Variants in HIBADH observed in about 807,000 individuals in gnomAD.
The protein encoded by HIBADH is 3-hydroxyisobutyrate dehydrogenase, mitochondrial.
HIBADH carries 25 observed loss-of-function variants against 36.1 expected under a neutral mutation model. The ratio of observed to expected loss-of-function variants is 0.69; its 90% CI spans 0.50 to 0.97. The LOEUF is 0.97. Among genes scored for constraint, HIBADH ranks in the 50% least tolerant of loss-of-function variants. The probability of loss-of-function intolerance (pLI) is 0.00; values close to 1 mark genes in which losing one functional copy is unlikely to be tolerated. For missense variants in HIBADH, 421 were observed against 418.0 expected, an observed-to-expected ratio of 1.01 and a Z score of -0.06; for synonymous variants, 160 against 149.5, an observed-to-expected ratio of 1.07 and a Z score of -0.51.
intron 4 of HIBADH, among the ~76,000 whole-genome samples, chr7:27,575,158 G>A (rs2128188576): frequency 6.6e-6 from 1 of 152,234 alleles, no homozygotes; most frequent in African/African-American, 2.4e-5. Flanking sequence ...TTTTTTAATT[G>A]GAAATTTTAG....
intron 4 of HIBADH, among the ~76,000 whole-genome samples, chr7:27,620,268 T>A (rs571334382): frequency 9.2e-5 from 14 of 152,054 alleles, no homozygotes; most frequent in Non-Finnish European, 1.9e-4. Flanking sequence ...TGCAGTGAAC[T>A]TTGATCACAC....
At chr7:27,620,383 G>C (rs1785515995) in intron 4 of HIBADH, among the ~76,000 whole-genome samples, 1 of 151,978 alleles carries the variant, frequency 6.6e-6, no homozygotes, top group African/African-American at 2.4e-5. Context: ...CACCTATAAA[G>C]GGACCCCCAT....
intron 4 of HIBADH, among the ~76,000 whole-genome samples, chr7:27,543,931 C>T (rs1212399749): frequency 6.6e-6 from 1 of 152,056 alleles, no homozygotes; most frequent in Non-Finnish European, 1.5e-5. Flanking sequence ...AGAGGAAAAG[C>T]TTCATTCATC....
At chr7:27,621,661 A>G (rs1028490360) in intron 4 of HIBADH, among the ~76,000 whole-genome samples, 1 of 152,070 alleles carries the variant, frequency 6.6e-6, no homozygotes, top group Non-Finnish European at 1.5e-5. Flanking sequence ...GTGTGGCAGC[A>G]CAAGCCTGTA....
chr7:27,645,185 G>C (rs1786040155), intron 2 of HIBADH, among the ~76,000 whole-genome samples: 1 of 151,812 alleles, frequency 6.6e-6, no homozygotes, highest in East Asian at 1.9e-4. Flanking sequence ...GAAATTGCTG[G>C]GTCATGGCAT....
intron 1 of HIBADH, among the ~76,000 whole-genome samples, chr7:27,656,700 T>G (rs957884439): frequency 6.6e-6 from 1 of 152,240 alleles, no homozygotes; most frequent in African/African-American, 2.4e-5. Context: ...TTTTATAACC[T>G]TTCCCATTTT....
At chr7:27,557,737 G>C (rs1419144352) in intron 4 of HIBADH, among the ~76,000 whole-genome samples, 2 of 152,166 alleles carry the variant, frequency 1.3e-5, no homozygotes, top group Non-Finnish European at 2.9e-5. Context: ...ATTCAGGAAA[G>C]GAGGAACCCT....
intron 2 of HIBADH, among the ~76,000 whole-genome samples, chr7:27,643,036 T>A (rs968892419): frequency 1.3e-5 from 2 of 152,244 alleles, no homozygotes; most frequent in African/African-American, 4.8e-5. Context: ...TGTGACCTTT[T>A]ACTTTTTCTT....
chr7:27,641,257 T>G lies in HIBADH; in HGVS notation c.252+8216A>C, dbSNP rs535983159. ...CAAAACAACATCTGATTTTCTTCCC[T>G]GCAAATCTCTCACTGAAAGAACAGC... is the stretch of plus-strand genomic sequence containing the variant. On this transcript the variant is annotated intron_variant, in intron 2 of 7. Transcript: ENST00000265395. Among the ~76,000 whole-genome samples the G allele has an allele frequency of 1.4e-3, 209 of 152,304 alleles. 1 individual carries two copies. The highest frequency in any genetic ancestry group is 1.9e-3 in the Non-Finnish European group (130 of 68,014).
At chr7:27,585,995 C>A (rs1205626294) in intron 4 of HIBADH, among the ~76,000 whole-genome samples, 1 of 152,212 alleles carries the variant, frequency 6.6e-6, no homozygotes, top group Non-Finnish European at 1.5e-5. Context: ...TATGTAATTC[C>A]TCCACATAAA....
intron 6 of HIBADH, among the ~76,000 whole-genome samples, chr7:27,533,859 CAT>C (rs1245367218): frequency 6.6e-6 from 1 of 152,178 alleles, no homozygotes; most frequent in Non-Finnish European, 1.5e-5. Context: ...TGGCTGGGAA[CAT>C]ATGATACTTT....
At chr7:27,635,650 G>C (rs1017007931) in intron 2 of HIBADH, among the ~76,000 whole-genome samples, 3 of 152,182 alleles carry the variant, frequency 2.0e-5, no homozygotes, top group African/African-American at 4.8e-5. Context: ...AAGGGGACTG[G>C]AAGCATGTGC....
intron 7 of HIBADH, among the ~76,000 whole-genome samples, chr7:27,530,729 A>C (rs1273986131): frequency 1.3e-5 from 2 of 152,210 alleles, no homozygotes; most frequent in Non-Finnish European, 2.9e-5. Flanking sequence ...ATATAAATCC[A>C]TATATTAAAA....
intron 2 of HIBADH, among the ~76,000 whole-genome samples, chr7:27,636,710 T>C (rs981586264): frequency 1.3e-5 from 2 of 152,220 alleles, no homozygotes; most frequent in African/African-American, 4.8e-5. Context: ...ACTTTTGGCA[T>C]AGATCAGCAG....
chr7:27,551,122 T>G (rs1027841297), intron 4 of HIBADH, among the ~76,000 whole-genome samples: 9 of 151,984 alleles, frequency 5.9e-5, no homozygotes, highest in African/African-American at 2.2e-4. Context: ...TTTTGTCAAT[T>G]ACTTTTTTAA....
intron 5 of HIBADH, among the ~76,000 whole-genome samples, chr7:27,539,120 AG>A (rs1784110039): frequency 6.6e-6 from 1 of 152,150 alleles, no homozygotes; most frequent in Admixed American, 6.6e-5. Context: ...GGTAGGAAAT[AG>A]GGATCTATTC....
intron 2 of HIBADH, among the ~76,000 whole-genome samples, chr7:27,644,762 T>TAA (rs769062186): frequency 3.5e-5 from 5 of 142,446 alleles, no homozygotes; most frequent in Admixed American, 7.0e-5. Context: ...AGACTCCATT[T>TAA]AAAAAAAAAA....
chr7:27,617,617 A>G (rs1785453238), intron 4 of HIBADH, among the ~76,000 whole-genome samples: 1 of 152,202 alleles, frequency 6.6e-6, no homozygotes, highest in African/African-American at 2.4e-5. Context: ...GCATAGAAAG[A>G]GAAGAAAGGA....
At chr7:27,573,584 A>T (rs1583576273) in intron 4 of HIBADH, among the ~76,000 whole-genome samples, 2 of 152,306 alleles carry the variant, frequency 1.3e-5, no homozygotes, top group South Asian at 2.1e-4. Flanking sequence ...AACGAGAAAA[A>T]TTCTGTAAAT....
Sources: gnomAD v4.1 joint callset for allele counts (sites outside exome capture counted in the v4.1 genomes callset) on GRCh38, gnomAD v4.1.1 for gene constraint, MANE v1.5 for transcripts, NCBI Gene and HGNC (gene_info 2026-07-23, HGNC 2026-07-21) for gene names.